DCT: variants seen among roughly 807,000 people sequenced by gnomAD.
The protein encoded by DCT is dopachrome tautomerase.
Under a neutral mutation model 53.0 loss-of-function variants are expected in DCT, and 47 were observed. That is an observed-to-expected ratio of 0.89 (90% CI 0.70 to 1.13). The LOEUF (loss-of-function observed/expected upper bound fraction) is 1.13. Ranked by LOEUF, DCT falls within the 50% of genes most tolerant of loss-of-function variation. DCT has a pLI of 0.00. For synonymous variants in DCT, 244 were observed against 237.0 expected (o/e 1.03, Z -0.27); for missense variants, 669 against 637.4 (o/e 1.05, Z -0.53).
At chr13:94,474,998 C>A (rs1262829842) in intron 1 of DCT, among the ~76,000 whole-genome samples, 2 of 152,096 alleles carry the variant, frequency 1.3e-5, no homozygotes, top group Admixed American at 6.6e-5. Flanking sequence ...CCCAGGAGTG[C>A]CCCAGTGACT....
chr13:94,463,581 T>C (rs868625137), intron 4 of DCT, among the ~76,000 whole-genome samples: 1 of 152,014 alleles, frequency 6.6e-6, no homozygotes, highest in Non-Finnish European at 1.5e-5. Context: ...TGAGCCACCG[T>C]GCCCAGCTAG....
At position 94,468,936 on chromosome 13, in the gene DCT, A is replaced by C; in HGVS notation, c.405T>G (p.Pro135=). The C allele has an allele frequency of 6.2e-7, 1 of 1,614,022 alleles. No homozygotes were observed. The highest frequency in any genetic ancestry group is 8.5e-7 in the Non-Finnish European group (1 of 1,179,954). The part of the protein sequence containing the change: ...VIRQNIHSLS[P]QEREQFLGAL... Reference sequence around the variant, plus strand: ...CGCCCAAGAACTGCTCTCTTTCCTGAGGACTCAAGGAATGGATGTTCTGCC... The same window carrying C: ...CGCCCAAGAACTGCTCTCTTTCCTGCGGACTCAAGGAATGGATGTTCTGCC... The change falls in exon 2 of 8, where the codon CCT becomes CCG. Residue 135 remains proline, a synonymous_variant. Coordinates refer to ENST00000377028, the MANE Select transcript of DCT (RefSeq NM_001922.5).
chr13:94,530,882 T>C, the DCT span, among the ~76,000 whole-genome samples: 4 of 152,172 alleles, frequency 2.6e-5, no homozygotes, highest in Non-Finnish European at 1.5e-5. Context: ...ATTGTATATT[T>C]AGAAAACCCC....
chr13:94,528,322 C>T, the DCT span, among the ~76,000 whole-genome samples: 1 of 152,154 alleles, frequency 6.6e-6, no homozygotes, highest in South Asian at 2.1e-4. Flanking sequence ...AGAGCAACCC[C>T]AAGACACATA....
chr13:94,443,176 T>C (rs1299076929), intron 7 of DCT, among the ~76,000 whole-genome samples: 1 of 152,226 alleles, frequency 6.6e-6, no homozygotes, highest in African/African-American at 2.4e-5. Context: ...TAAAAGCAGA[T>C]AGTTCATTTA....
the DCT span, among the ~76,000 whole-genome samples, chr13:94,509,559 A>G: frequency 6.6e-6 from 1 of 152,152 alleles, no homozygotes; most frequent in African/African-American, 2.4e-5. Flanking sequence ...TGCCAACCAT[A>G]ATGGATATGC....
Position 94,438,564 on chromosome 13 carries a change from G to A in DCT, c.*1334C>T, listed in dbSNP as rs1456361823. ...ATTCATTCCAGTAGAGAGGGGCCTC[G>A]ACAGACAAGCCACGCCCTAGAACTT... On this transcript the variant is annotated 3_prime_UTR_variant, in exon 8 of 8. Coordinates refer to ENST00000377028, the MANE Select transcript of DCT (RefSeq NM_001922.5). The A allele has an allele frequency of 6.6e-6, 3 of 455,616 alleles. No individual in the cohort carries two copies. The highest frequency in any genetic ancestry group is 1.3e-5 in the Non-Finnish European group (3 of 226,664). The allele number at this position is 455,616 out of a possible 1,614,324, so 28.2% of individuals were successfully genotyped here.
chr13:94,494,452 C>T, the DCT span, among the ~76,000 whole-genome samples: 36 of 152,222 alleles, frequency 2.4e-4, no homozygotes, highest in African/African-American at 3.1e-4. Context: ...AGGCAGGGAA[C>T]GCCTAATTGG....
At chr13:94,476,170 G>A (rs547928750) in intron 1 of DCT, among the ~76,000 whole-genome samples, 1 of 148,542 alleles carries the variant, frequency 6.7e-6, no homozygotes, top group African/African-American at 2.5e-5. Flanking sequence ...TTTTAGAGCA[G>A]GGGGAGCCTC....
At chr13:94,445,892 C>T (rs112108850) in intron 6 of DCT, 23,503 of 603,932 alleles carry the variant, frequency 0.039, 678 homozygotes, top group Non-Finnish European at 0.052. Flanking sequence ...TGTGGGGGGG[C>T]GGGGTGAAAT....
chr13:94,482,921 G>A (rs1269951289), upstream of DCT, among the ~76,000 whole-genome samples: 1 of 152,130 alleles, frequency 6.6e-6, no homozygotes, highest in Non-Finnish European at 1.5e-5. Context: ...TATCACTAGT[G>A]AGGAGGTTCT....
At chr13:94,549,202 C>T in the DCT span, among the ~76,000 whole-genome samples, 2 of 152,250 alleles carry the variant, frequency 1.3e-5, no homozygotes, top group South Asian at 4.1e-4. Context: ...TCTGACCACT[C>T]AACAGTTTTG....
chr13:94,537,273 A>G, the DCT span, among the ~76,000 whole-genome samples: 1 of 152,244 alleles, frequency 6.6e-6, no homozygotes, highest in Non-Finnish European at 1.5e-5. Context: ...AGGTTTCCCA[A>G]ATCTCATTTC....
chr13:94,440,117 A>C, intron 7 of DCT, 41 bp from the exon 8 acceptor site: 1 of 1,539,784 alleles, frequency 6.5e-7, no homozygotes, highest in Non-Finnish European at 8.9e-7. Context: ...GATTTTCATC[A>C]GCTGAATACT....
chr13:94,527,661 A>G, the DCT span, among the ~76,000 whole-genome samples: 11 of 152,242 alleles, frequency 7.2e-5, no homozygotes, highest in Non-Finnish European at 1.6e-4. Context: ...AAAAGTAGAT[A>G]AAAGCACAAA....
At chr13:94,493,303 A>G in the DCT span, among the ~76,000 whole-genome samples, 4,115 of 152,284 alleles carry the variant, frequency 0.027, 170 homozygotes, top group African/African-American at 0.094. Flanking sequence ...TGAGTGAAAA[A>G]AAACCTGACA....
the DCT span, among the ~76,000 whole-genome samples, chr13:94,512,051 C>G: frequency 2.0e-5 from 3 of 152,238 alleles, no homozygotes; most frequent in East Asian, 5.8e-4. Flanking sequence ...TTTACTTTGT[C>G]TACTCCCACT....
the DCT span, among the ~76,000 whole-genome samples, chr13:94,539,826 G>C: frequency 1.3e-5 from 2 of 152,052 alleles, no homozygotes; most frequent in African/African-American, 2.4e-5. Flanking sequence ...AAGGGAGAAA[G>C]GAAAAGTATG....
At chr13:94,480,687 A>C (rs1478750720), upstream of DCT, among the ~76,000 whole-genome samples, 1 of 152,196 alleles carries the variant, frequency 6.6e-6, no homozygotes, top group Non-Finnish European at 1.5e-5. Flanking sequence ...ATCAGCCTGT[A>C]CCACAGCCCT....
Sources: gnomAD v4.1 joint callset for allele counts (sites outside exome capture counted in the v4.1 genomes callset) on GRCh38, gnomAD v4.1.1 for gene constraint, MANE v1.5 for transcripts, NCBI Gene and HGNC (gene_info 2026-07-23, HGNC 2026-07-21) for gene names.